NPM1: variants seen among roughly 807,000 people sequenced by gnomAD.
The protein encoded by NPM1 is nucleophosmin.
A neutral mutation model predicts 44.1 loss-of-function variants in NPM1; 1 was observed. The ratio of observed to expected loss-of-function variants is 0.02; its 90% confidence interval spans 0.01 to 0.11. The LOEUF (loss-of-function observed/expected upper bound fraction) is 0.11. Ranked by LOEUF, NPM1 falls within the 10% of genes least tolerant of loss-of-function variation. The pLI, the probability that NPM1 is intolerant of heterozygous loss-of-function variation, is 1.00. For synonymous variants in NPM1, 126 were observed against 111.8 expected (o/e 1.13, Z -0.80); for missense variants, 197 against 347.8 (o/e 0.57, Z 3.45).
Position 171,389,957 on chromosome 5 carries a change from G to C in NPM1, c.59-94G>C. On this transcript the variant is annotated intron_variant, in intron 1 of 10. Transcript: ENST00000296930. The stretch of plus-strand genomic sequence containing the variant: ...TGGTAGCTAAAATAGTGAAAAACTA[G>C]TTCAAAAGTTAGACCTGACCTTTTT... The C allele has an allele frequency of 4.2e-6, 3 of 717,276 alleles. No homozygotes were observed. In the East Asian group the frequency reaches 7.9e-5, roughly 19 times the overall value. 44.4% of individuals were successfully genotyped at this position (717,276 alleles called of 1,614,324 possible).
At chr5:171,391,483 GT>G in intron 3 of NPM1, 59 bp downstream of exon 3, 1 of 1,590,096 alleles carries the variant, frequency 6.3e-7, no homozygotes, top group Non-Finnish European at 8.5e-7. Context: ...TTTAAGGTAG[GT>G]TTGGTGTCAT....
chr5:171,402,975 T>TCC (rs1771303175), intron 8 of NPM1, among the ~76,000 whole-genome samples: 1 of 138,964 alleles, frequency 7.2e-6, no homozygotes, highest in Non-Finnish European at 1.6e-5. Flanking sequence ...TTCATTTTAT[T>TCC]TATTTATTTA....
At position 171,407,850 on chromosome 5, in the gene NPM1, TAA is replaced by T. The variant is rs1771652132; in HGVS notation, c.846+77_846+78del. The T allele has an allele frequency of 1.5e-5, 13 of 872,372 alleles. No homozygotes were observed. The South Asian group carries it at 1.9e-4, about 13-fold the overall frequency. The allele number at this position is 872,372 out of a possible 1,614,324, so 54.0% of individuals were successfully genotyped here. A position where few individuals can be genotyped will look rare whatever the true frequency, so the allele number is the denominator to read the frequency against. On this transcript the variant is annotated intron_variant, in intron 10 of 10. Coordinates refer to ENST00000296930, the MANE Select transcript of NPM1 (RefSeq NM_002520.7). ...ATTATGATTCTGCCTTTACCCTTTT[TAA>T]GTGTTGGCTCTTTTTAAAAAGTTCC...
chr5:171,396,904 C>T (rs1015547194), intron 6 of NPM1, among the ~76,000 whole-genome samples: 13 of 151,776 alleles, frequency 8.6e-5, no homozygotes, highest in Admixed American at 1.3e-4. Context: ...ACCCGGGAGG[C>T]GGAGGTTGCA....
rs752632627 is a variant in NPM1 at position 171,400,886 on chromosome 5, T to C, written c.630T>C (p.Asn210=). 2 of 1,611,336 alleles carry C rather than the reference T, an allele frequency of 1.2e-6. No individual in the cohort carries two copies. Among genetic ancestry groups the C allele is most frequent in the East Asian group, 2.2e-5 (1 of 44,866 alleles). The change falls in exon 8 of 11, where the codon AAT becomes AAC. Residue 210 remains asparagine, a synonymous_variant. Transcript: ENST00000296930. ...AAAATGCACAAAAGTCAAATCAGAA[T>C]GGAAAAGACTCAAAACCATCATCAA... is the stretch of plus-strand genomic sequence containing the variant. The part of the protein sequence containing the change: ...PAKNAQKSNQ[N]GKDSKPSSTP...
intron 6 of NPM1, among the ~76,000 whole-genome samples, chr5:171,397,033 AT>A (rs999453518): frequency 6.6e-6 from 1 of 152,168 alleles, no homozygotes; most frequent in Non-Finnish European, 1.5e-5. Flanking sequence ...ACCATAATCA[AT>A]TTTAGAACAT....
intron 6 of NPM1, among the ~76,000 whole-genome samples, chr5:171,399,894 A>C (rs1476018631): frequency 1.3e-5 from 2 of 152,152 alleles, no homozygotes; most frequent in Non-Finnish European, 2.9e-5. Context: ...AGAATCATAC[A>C]GTGTTTGTTC....
At chr5:171,388,044 G>A (rs1226003236) in intron 1 of NPM1, 38 bp downstream of exon 1, 2 of 1,525,406 alleles carry the variant, frequency 1.3e-6, no homozygotes, top group South Asian at 1.1e-5. Flanking sequence ...GCCGAGCGGG[G>A]CCTGGTGGCG....
intron 6 of NPM1, among the ~76,000 whole-genome samples, chr5:171,393,568 G>A (rs994168023): frequency 6.6e-6 from 1 of 152,158 alleles, no homozygotes; most frequent in Admixed American, 6.5e-5. Context: ...ACGCACACTG[G>A]TATAAAGTAC....
At chr5:171,390,486 T>TA (rs1359084967) in intron 2 of NPM1, among the ~76,000 whole-genome samples, 2 of 152,258 alleles carry the variant, frequency 1.3e-5, no homozygotes, top group Non-Finnish European at 2.9e-5. Context: ...ATATTGTGTG[T>TA]ATGCATATTT....
Position 171,410,582 on chromosome 5 carries a change from A to AT in NPM1, c.*20dup. ...TCTCTTTAAGAAAATAGTTTAAACA[A>AT]TTTGTTAAAAAATTTTCCGTCTTAT... On this transcript the variant is annotated 3_prime_UTR_variant, in exon 11 of 11. Coordinates refer to ENST00000296930, the MANE Select transcript of NPM1 (RefSeq NM_002520.7). The AT allele has an allele frequency of 6.7e-7, 1 of 1,496,026 alleles. No individual in the cohort carries two copies. The highest frequency in any genetic ancestry group is 9.1e-7 in the Non-Finnish European group (1 of 1,101,852). The allele number at this position is 1,496,026 out of a possible 1,614,324, so 92.7% of individuals were successfully genotyped here. A position where few individuals can be genotyped will look rare whatever the true frequency, so the allele number is the denominator to read the frequency against.
intron 4 of NPM1, 93 bp from the exon 5 acceptor site, chr5:171,392,617 G>T (rs1770637323): frequency 2.6e-5 from 16 of 615,876 alleles, no homozygotes; most frequent in African/African-American, 3.9e-5. Flanking sequence ...TAGAATAGAA[G>T]TCTCAGTTTT....
In NPM1 at chr5:171,390,226, T is replaced by C. The variant is rs1358236850; in HGVS notation, c.138+96T>C. ...TTGAGACTTTTTTTCCTTTGCTGACTGCTTATAAAATACTATTTCTTACAC... is the reference window on the plus strand; with the variant it reads ...TTGAGACTTTTTTTCCTTTGCTGACCGCTTATAAAATACTATTTCTTACAC... On this transcript the variant is annotated intron_variant, in intron 2 of 10. Coordinates refer to ENST00000296930, the MANE Select transcript of NPM1 (RefSeq NM_002520.7). 4.6e-6 allele frequency: 3 copies of C among 649,444 alleles called. No individual in the cohort carries two copies. The Admixed American group carries it at 1.1e-4, about 24-fold the overall frequency. The allele number at this position is 649,444 out of a possible 1,614,324, so 40.2% of individuals were successfully genotyped here.
intron 8 of NPM1, among the ~76,000 whole-genome samples, chr5:171,404,876 G>C (rs2113271573): frequency 6.6e-6 from 1 of 152,314 alleles, no homozygotes; most frequent in East Asian, 1.9e-4. Context: ...GACTCTGTCT[G>C]CCCTGATTTC....
intron 8 of NPM1, among the ~76,000 whole-genome samples, chr5:171,403,656 TCCC>T (rs1215546241): frequency 7.9e-6 from 1 of 126,328 alleles, no homozygotes; most frequent in African/African-American, 3.0e-5. Context: ...CCCACCTCCC[TCCC>T]GGACGGGGCG....
chr5:171,391,264 G>A (rs753782359), intron 2 of NPM1, 41 bp from the exon 3 acceptor site: 4 of 1,599,444 alleles, frequency 2.5e-6, no homozygotes, highest in Non-Finnish European at 3.4e-6. Context: ...TAAAATAGGT[G>A]GAACTCAAAA....
intron 6 of NPM1, among the ~76,000 whole-genome samples, chr5:171,395,073 A>T (rs1770811564): frequency 6.6e-6 from 1 of 152,082 alleles, no homozygotes; most frequent in Admixed American, 6.6e-5. Context: ...CCAGTTACTT[A>T]GGAGGTTGAG....
At chr5:171,404,807 T>A (rs1309752065) in intron 8 of NPM1, among the ~76,000 whole-genome samples, 4 of 151,420 alleles carry the variant, frequency 2.6e-5, no homozygotes, top group Non-Finnish European at 5.9e-5. Flanking sequence ...TAGGTTGTAG[T>A]GAGCCGAGAT....
At chr5:171,394,166 C>T (rs892608246) in intron 6 of NPM1, among the ~76,000 whole-genome samples, 4 of 151,480 alleles carry the variant, frequency 2.6e-5, no homozygotes, top group East Asian at 1.9e-4. Flanking sequence ...CTCAGCCTCC[C>T]GGGTAGCTGG....
Sources: gnomAD v4.1 joint callset for allele counts (sites outside exome capture counted in the v4.1 genomes callset) on GRCh38, gnomAD v4.1.1 for gene constraint, MANE v1.5 for transcripts, NCBI Gene and HGNC (gene_info 2026-07-23, HGNC 2026-07-21) for gene names.